Variants in GRIA3 observed in about 807,000 individuals in gnomAD.
The protein encoded by GRIA3 is glutamate receptor 3.
Under a neutral mutation model 63.0 loss-of-function variants are expected in GRIA3, and 3 were observed. That is an observed-to-expected ratio of 0.05 (90% CI 0.02 to 0.12). GRIA3 has a LOEUF of 0.12. Ranked by LOEUF, GRIA3 falls within the 10% of genes least tolerant of loss-of-function variation. The pLI, the probability that GRIA3 is intolerant of heterozygous loss-of-function variation, is 1.00. For missense variants in GRIA3, 347 were observed against 700.9 expected (o/e 0.50, Z 5.70); for synonymous variants, 274 against 257.9 (o/e 1.06, Z -0.60).
chrX:123,345,229 C>G (rs1249995049), intron 4 of GRIA3, among the ~76,000 whole-genome samples: 3 of 111,154 alleles, frequency 2.7e-5, no homozygotes, highest in African/African-American at 9.8e-5. Flanking sequence ...ATGCTACTGT[C>G]AGAGTAGGGC....
intron 4 of GRIA3, among the ~76,000 whole-genome samples, chrX:123,353,781 T>C (rs1318460261): frequency 9.0e-6 from 1 of 111,679 alleles, no homozygotes; most frequent in Non-Finnish European, 1.9e-5. Context: ...CAAAACCTGG[T>C]TCCACCTCTG....
intron 13 of GRIA3, among the ~76,000 whole-genome samples, chrX:123,467,002 C>T (rs1481133218): frequency 8.9e-6 from 1 of 112,817 alleles, no homozygotes; most frequent in African/African-American, 3.2e-5. Flanking sequence ...AAAGAACTTT[C>T]TTCAGCAAAT....
At position 123,404,749 on chromosome X, in the gene GRIA3, G is replaced by A. The variant is rs752350148; in HGVS notation, c.1335G>A (p.Leu445=). ...YVMYKKNHEQ[L]EGNERYEGYC... is the part of the protein sequence containing the mutation. ...TGTACAAGAAGAACCATGAGCAACTGGAAGGAAATGAACGATATGAAGGCT... is the reference window on the plus strand; with the variant it reads ...TGTACAAGAAGAACCATGAGCAACTAGAAGGAAATGAACGATATGAAGGCT... The change falls in exon 10 of 16, where the codon CTG becomes CTA. Residue 445 remains leucine (L), a synonymous_variant. Coordinates refer to ENST00000620443, the MANE Select transcript of GRIA3 (RefSeq NM_007325.5). 8.3e-7 allele frequency: 1 copy of A among 1,206,134 alleles called. No individual in the cohort carries two copies. The highest frequency in any genetic ancestry group is 3.0e-5 in the East Asian group (1 of 33,803).
intron 6 of GRIA3, among the ~76,000 whole-genome samples, chrX:123,396,146 C>T (rs2045411464): frequency 9.5e-6 from 1 of 105,613 alleles, no homozygotes; most frequent in Admixed American, 1.0e-4. Flanking sequence ...GCAGAGGTTG[C>T]AGTGAGCCGA....
At chrX:123,352,432 T>C (rs1254359607) in intron 4 of GRIA3, among the ~76,000 whole-genome samples, 1 of 112,417 alleles carries the variant, frequency 8.9e-6, no homozygotes, top group Non-Finnish European at 1.9e-5. Flanking sequence ...ACTTCTGATA[T>C]AGGCAGGGCC....
At chrX:123,415,025 T>A (rs1357282114) in intron 10 of GRIA3, among the ~76,000 whole-genome samples, 1 of 112,325 alleles carries the variant, frequency 8.9e-6, no homozygotes, top group Admixed American at 9.4e-5. Flanking sequence ...TGAACTAATT[T>A]ACACTCCCAA....
chrX:123,233,276 C>T (rs1340512984), intron 2 of GRIA3, among the ~76,000 whole-genome samples: 2 of 111,837 alleles, frequency 1.8e-5, no homozygotes, highest in Non-Finnish European at 3.8e-5. Context: ...CCTGACATAA[C>T]ACTTAAGCCT....
chrX:123,427,895 G>C (rs749235823), intron 11 of GRIA3, 46 bp from the exon 12 acceptor site: 6 of 893,782 alleles, frequency 6.7e-6, no homozygotes, highest in Non-Finnish European at 9.9e-6. Context: ...CTTAAACTTA[G>C]ATCTGGCCCC....
In GRIA3 at chrX:123,199,728, C is replaced by T. The variant is rs763020273; in HGVS notation, c.268+13738C>T. The stretch of plus-strand genomic sequence containing the variant: ...GTGGCAGAGAGGAAGAATAAATCCA[C>T]AGCAAGTTAATTAGAAATACAGTAA... On this transcript the variant is annotated intron_variant, in intron 2 of 15. Coordinates refer to ENST00000620443, the MANE Select transcript of GRIA3 (RefSeq NM_007325.5). Among the ~76,000 whole-genome samples the T allele has an allele frequency of 3.5e-4, 39 of 111,821 alleles. No individual in the cohort carries two copies. In the South Asian group the frequency reaches 6.0e-3, roughly 17 times the overall value.
chrX:123,469,986 G>A (rs1453384031), intron 13 of GRIA3, among the ~76,000 whole-genome samples: 1 of 112,164 alleles, frequency 8.9e-6, no homozygotes, highest in Non-Finnish European at 1.9e-5. Flanking sequence ...GAGGTGGAAA[G>A]TTATTAACAA....
intron 13 of GRIA3, chrX:123,465,568 G>A: frequency 1.7e-6 from 1 of 602,125 alleles, no homozygotes; most frequent in Admixed American, 2.6e-5. Context: ...ATAGCTCCAC[G>A]TTCTGTGAAA....
At chrX:123,478,376 T>C (rs148399188) in intron 13 of GRIA3, among the ~76,000 whole-genome samples, 44 of 112,058 alleles carry the variant, frequency 3.9e-4, no homozygotes, top group African/African-American at 1.4e-3. Context: ...GTTCCGAGCA[T>C]TGGTTGAAGG....
chrX:123,426,368 T>A (rs908678279), intron 11 of GRIA3, among the ~76,000 whole-genome samples: 1 of 111,859 alleles, frequency 8.9e-6, no homozygotes, highest in African/African-American at 3.2e-5. Context: ...CTTCTTATGG[T>A]CCCTGTCTCT....
chrX:123,324,108 A>G, intron 3 of GRIA3, among the ~76,000 whole-genome samples: 1 of 111,735 alleles, frequency 8.9e-6, no homozygotes, highest in Non-Finnish European at 1.9e-5. Flanking sequence ...GTTAAAGGGA[A>G]ACATGCTAAC....
intron 12 of GRIA3, among the ~76,000 whole-genome samples, chrX:123,459,175 G>T (rs907041087): frequency 2.7e-5 from 3 of 111,640 alleles, no homozygotes; most frequent in Non-Finnish European, 5.7e-5. Context: ...GAGACACATA[G>T]ATGCTAGATA....
intron 2 of GRIA3, among the ~76,000 whole-genome samples, chrX:123,241,537 A>G (rs1469175224): frequency 9.1e-6 from 1 of 109,941 alleles, no homozygotes; most frequent in African/African-American, 3.3e-5. Flanking sequence ...ACTGACAGAT[A>G]TGTGTTTTCT....
At chrX:123,251,146 A>G (rs2044387106) in intron 2 of GRIA3, among the ~76,000 whole-genome samples, 1 of 112,410 alleles carries the variant, frequency 8.9e-6, no homozygotes, top group Non-Finnish European at 1.9e-5. Flanking sequence ...GCCTGGCTAA[A>G]TACTATTCTC....
At chrX:123,231,676 G>A (rs1301002164) in intron 2 of GRIA3, among the ~76,000 whole-genome samples, 3 of 111,111 alleles carry the variant, frequency 2.7e-5, no homozygotes, top group Admixed American at 9.6e-5. Context: ...AAGTTCCCTA[G>A]CCAGGTAAAA....
chrX:123,411,898 G>A (rs1040341836), intron 10 of GRIA3, among the ~76,000 whole-genome samples: 1 of 110,758 alleles, frequency 9.0e-6, no homozygotes, highest in African/African-American at 3.3e-5. Context: ...TATTACCAGT[G>A]CAAGCAGAGG....
Sources: allele counts gnomAD v4.1 joint callset (sites outside exome capture counted in the v4.1 genomes callset), GRCh38; gene constraint gnomAD v4.1.1; transcripts MANE v1.5; gene names NCBI Gene and HGNC (gene_info 2026-07-23, HGNC 2026-07-21).